The following PCP4 variants were observed in gnomAD, a reference collection of about 807,000 sequenced individuals.
PCP4 encodes calmodulin regulator protein PCP4.
Under a neutral mutation model 10.0 loss-of-function variants are expected in PCP4, and 8 were observed. That is an observed-to-expected ratio of 0.80 (90% confidence interval 0.47 to 1.45). The LOEUF is 1.45. PCP4 is among the 40% of genes most tolerant of loss of function. PCP4 has a pLI of 0.00. For synonymous variants in PCP4, 21 were observed against 23.0 expected, an observed-to-expected ratio of 0.91 and a Z score of 0.24; for missense variants, 54 against 74.4, an observed-to-expected ratio of 0.73 and a Z score of 1.01.
chr21:39,883,956 G>A (rs2087388056), intron 1 of PCP4, among the ~76,000 whole-genome samples: 1 of 152,172 alleles, frequency 6.6e-6, no homozygotes, highest in African/African-American at 2.4e-5. Context: ...AATGAGGTGG[G>A]TATATTGTTA....
At chr21:39,877,478 G>C (rs1035094484) in intron 1 of PCP4, among the ~76,000 whole-genome samples, 5 of 151,674 alleles carry the variant, frequency 3.3e-5, no homozygotes, top group Admixed American at 3.3e-4. Context: ...GTTAAGCCCA[G>C]GAGTTAGAGA....
intron 1 of PCP4, among the ~76,000 whole-genome samples, chr21:39,890,405 G>T (rs2087424027): frequency 6.6e-6 from 1 of 152,080 alleles, no homozygotes; most frequent in Non-Finnish European, 1.5e-5. Context: ...GCCCAGGCTG[G>T]AGTGCAATGG....
chr21:39,878,291 G>A (rs552399499), intron 1 of PCP4, among the ~76,000 whole-genome samples: 1 of 152,192 alleles, frequency 6.6e-6, no homozygotes, highest in Non-Finnish European at 1.5e-5. Context: ...AGCAGCCGGG[G>A]CTTACAGAAG....
At chr21:39,875,803 A>G (rs1438693786) in intron 1 of PCP4, among the ~76,000 whole-genome samples, 5 of 152,216 alleles carry the variant, frequency 3.3e-5, no homozygotes, top group Admixed American at 1.3e-4. Flanking sequence ...ATTTTTATTT[A>G]TTTTACAATT....
At chr21:39,897,265 G>C (rs936582226) in intron 1 of PCP4, among the ~76,000 whole-genome samples, 2 of 151,802 alleles carry the variant, frequency 1.3e-5, no homozygotes, top group Non-Finnish European at 2.9e-5. Context: ...GCATGTGCCT[G>C]TAATCCCAGC....
At chr21:39,908,128 A>C (rs998842578) in intron 2 of PCP4, among the ~76,000 whole-genome samples, 2 of 152,198 alleles carry the variant, frequency 1.3e-5, no homozygotes, top group African/African-American at 4.8e-5. Flanking sequence ...AAAAAGCAAG[A>C]AAAGTGGTTT....
In PCP4 at chr21:39,912,044, A is replaced by G. The variant is rs1014815101; in HGVS notation, c.61+13517A>G. On this transcript the variant is annotated intron_variant, in intron 2 of 2. Transcript: ENST00000328619. Reference sequence around the variant, plus strand: ...TTCAGCTTAAAATGACTTTAGCAAAAGGTCAGATGCTACTGCTCCTGGGAG... The same window carrying G: ...TTCAGCTTAAAATGACTTTAGCAAAGGGTCAGATGCTACTGCTCCTGGGAG... Among the ~76,000 whole-genome samples, 7 of 152,362 alleles carry G rather than the reference A, an allele frequency of 4.6e-5. No homozygotes were observed. In the East Asian group the frequency reaches 5.8e-4, roughly 13 times the overall value.
chr21:39,894,372 T>A (rs982707142), intron 1 of PCP4, among the ~76,000 whole-genome samples: 1 of 152,216 alleles, frequency 6.6e-6, no homozygotes, highest in Non-Finnish European at 1.5e-5. Context: ...TCAAAGAAGA[T>A]ATCTGCTGAC....
At chr21:39,898,403 C>A in intron 1 of PCP4, 73 bp from the exon 2 acceptor site, 1 of 1,203,066 alleles carries the variant, frequency 8.3e-7, no homozygotes, top group Non-Finnish European at 1.2e-6. Context: ...ATGTTTGCAA[C>A]AATAAAAGAG....
intron 2 of PCP4, among the ~76,000 whole-genome samples, chr21:39,903,498 T>A (rs1366510145): frequency 6.6e-6 from 1 of 152,200 alleles, no homozygotes; most frequent in Non-Finnish European, 1.5e-5. Flanking sequence ...TGAATACCTG[T>A]GCCCCTTCCT....
At chr21:39,895,009 G>A (rs371581678) in intron 1 of PCP4, among the ~76,000 whole-genome samples, 7 of 151,906 alleles carry the variant, frequency 4.6e-5, no homozygotes, top group East Asian at 1.9e-4. Flanking sequence ...CTACCCATCC[G>A]TCCACCCATT....
In PCP4 at chr21:39,928,872, C is replaced by T. The variant is rs1001474058; in HGVS notation, c.62-112C>T. On this transcript the variant is annotated intron_variant, in intron 2 of 2. Transcript: ENST00000328619. ...CTCTTGTCCTGGGGTGTAAGTTAAGCCCCTGTGTGTGCCCCAAGGTGGACT... is the reference window on the plus strand; with the variant it reads ...CTCTTGTCCTGGGGTGTAAGTTAAGTCCCTGTGTGTGCCCCAAGGTGGACT... 3.3e-5 allele frequency: 33 copies of T among 1,000,592 alleles called. 1 individual carries two copies. The highest frequency in any genetic ancestry group is 2.2e-4 in the South Asian group (14 of 64,966). 62.0% of individuals were successfully genotyped at this position (1,000,592 alleles called of 1,614,324 possible).
At chr21:39,897,862 C>T (rs770309513) in intron 1 of PCP4, among the ~76,000 whole-genome samples, 5 of 151,966 alleles carry the variant, frequency 3.3e-5, no homozygotes, top group East Asian at 1.9e-4. Context: ...CTGACTAACA[C>T]GGCAAAACTC....
intron 1 of PCP4, among the ~76,000 whole-genome samples, chr21:39,876,558 G>A (rs1177144558): frequency 6.6e-6 from 1 of 152,160 alleles, no homozygotes; most frequent in Non-Finnish European, 1.5e-5. Flanking sequence ...GGTATCACAT[G>A]ATGATATTCT....
At chr21:39,888,902 A>G (rs2087414839) in intron 1 of PCP4, among the ~76,000 whole-genome samples, 1 of 152,216 alleles carries the variant, frequency 6.6e-6, no homozygotes, top group African/African-American at 2.4e-5. Context: ...TGGTAAAGGT[A>G]CCTAATTTCT....
intron 1 of PCP4, among the ~76,000 whole-genome samples, chr21:39,881,418 T>G (rs1053989800): frequency 2.0e-5 from 3 of 152,162 alleles, no homozygotes; most frequent in African/African-American, 7.2e-5. Context: ...GAAAAGGGTT[T>G]GCATGGGGGT....
intron 2 of PCP4, among the ~76,000 whole-genome samples, chr21:39,927,286 C>T (rs1354328208): frequency 9.4e-6 from 1 of 106,244 alleles, no homozygotes; most frequent in African/African-American, 3.3e-5. Flanking sequence ...TCTGATCTAT[C>T]TATCTATCTA....
chr21:39,871,836 T>C (rs2087321738), intron 1 of PCP4, among the ~76,000 whole-genome samples: 1 of 152,114 alleles, frequency 6.6e-6, no homozygotes, highest in Non-Finnish European at 1.5e-5. Flanking sequence ...ATTTTAAGAA[T>C]GACACAATGC....
chr21:39,907,345 T>C (rs1245389133), intron 2 of PCP4, among the ~76,000 whole-genome samples: 1 of 151,856 alleles, frequency 6.6e-6, no homozygotes, highest in African/African-American at 2.4e-5. Context: ...CCAAGAAAGC[T>C]CTCTAGCAGC....
Sources: gnomAD v4.1 joint callset for allele counts (sites outside exome capture counted in the v4.1 genomes callset) on GRCh38, gnomAD v4.1.1 for gene constraint, MANE v1.5 for transcripts, NCBI Gene and HGNC (gene_info 2026-07-23, HGNC 2026-07-21) for gene names.